SGK2: variants seen among roughly 807,000 people sequenced by gnomAD.
SGK2 encodes serum/glucocorticoid regulated kinase 2.
SGK2 carries 36 observed loss-of-function variants against 47.5 expected under a neutral mutation model. That is an observed-to-expected ratio of 0.76 (90% CI 0.58 to 1.00). The LOEUF (loss-of-function observed/expected upper bound fraction) is 1.00, where lower values mean the gene tolerates loss of function less well. Among genes scored for constraint, SGK2 ranks in the 50% least tolerant of loss-of-function variants. The pLI is 0.00. For missense variants in SGK2, 404 were observed against 467.4 expected (o/e 0.86, Z 1.25); for synonymous variants, 157 against 181.9 (o/e 0.86, Z 1.10).
At chr20:43,576,561 A>T (rs1980475609) in intron 11 of SGK2, among the ~76,000 whole-genome samples, 182 bp downstream of exon 11, 1 of 150,722 alleles carries the variant, frequency 6.6e-6, no homozygotes. Flanking sequence ...TCTCTTAGTC[A>T]ATCAATATTT....
At chr20:43,578,991 C>A (rs1178698673) in intron 11 of SGK2, among the ~76,000 whole-genome samples, 3 of 148,788 alleles carry the variant, frequency 2.0e-5, no homozygotes, top group Non-Finnish European at 4.4e-5. Flanking sequence ...TTACCAATTT[C>A]TTGGGCATTC....
intron 12 of SGK2, among the ~76,000 whole-genome samples, chr20:43,582,305 C>T (rs951828705): frequency 6.6e-6 from 1 of 152,066 alleles, no homozygotes; most frequent in African/African-American, 2.4e-5. Context: ...TGATCCACCC[C>T]CTCAGCTTCC....
chr20:43,566,267 T>C, intron 1 of SGK2: 1 of 1,391,146 alleles, frequency 7.2e-7, no homozygotes, highest in Non-Finnish European at 1.0e-6. Context: ...CCTTCTGAGA[T>C]GTTTGTTAGG....
intron 12 of SGK2, among the ~76,000 whole-genome samples, chr20:43,584,140 G>T (rs1980966861): frequency 6.6e-6 from 1 of 152,120 alleles, no homozygotes; most frequent in South Asian, 2.1e-4. Flanking sequence ...CAGGGCAACT[G>T]AGTTCTTCAT....
In SGK2 at chr20:43,569,507, CG is replaced by C; in HGVS notation, c.356del (p.Gly119GlufsTer42). The C allele has an allele frequency of 1.2e-6, 2 of 1,612,478 alleles. No homozygotes were observed. On this transcript the variant is annotated frameshift_variant, in exon 6 of 13. Transcript: ENST00000373100. LOFTEE classifies it high-confidence loss of function. The part of the protein sequence containing the change: ...KLYFVLDYVN[G>X]GELFFHLQRE... ...TCTACTTCGTGCTCGACTATGTCAACGGGGGAGAGGTGGGTGGGCCCACAGG... is the reference window on the plus strand; with the variant it reads ...TCTACTTCGTGCTCGACTATGTCAACGGGGAGAGGTGGGTGGGCCCACAGG...
At position 43,559,083 on chromosome 20, in the gene SGK2, C is replaced by G. The variant is rs559176045; in HGVS notation, c.-100C>G. The stretch of plus-strand genomic sequence containing the variant: ...AGGATTGTGCCTCCAGTCAGAAGGA[C>G]CATGAAGAGAGAGAAGAGGGCAGAG... On this transcript the variant is annotated 5_prime_UTR_variant, in exon 1 of 13. Coordinates refer to ENST00000373100, the MANE Select transcript of SGK2 (RefSeq NM_170693.3). 1 of 152,386 alleles carries G rather than the reference C, an allele frequency of 6.6e-6. No individual in the cohort carries two copies. The highest frequency in any genetic ancestry group is 1.9e-4 in the East Asian group (1 of 5,178). 9.4% of individuals were successfully genotyped at this position (152,386 alleles called of 1,614,324 possible). A position where few individuals can be genotyped will look rare whatever the true frequency, so the allele number is the denominator to read the frequency against.
intron 5 of SGK2, 128 bp from the exon 6 acceptor site, chr20:43,569,257 T>A (rs1171360956): frequency 8.5e-7 from 1 of 1,178,196 alleles, no homozygotes; most frequent in Admixed American, 2.2e-5. Flanking sequence ...CCATTGTGGG[T>A]GTTTGAGCAG....
intron 5 of SGK2, among the ~76,000 whole-genome samples, chr20:43,568,783 T>G (rs3127061): frequency 0.14 from 21,486 of 152,204 alleles, 1,684 homozygotes; most frequent in African/African-American, 0.16. Flanking sequence ...ATCATGGATT[T>G]CTTGATGCCT....
chr20:43,585,207 G>A lies in SGK2; in HGVS notation c.*191G>A. ...ACAGGTCATCAGATACTCAGAGGCT[G>A]TATCTCTGCCCTGCCAACCTTGACA... On this transcript the variant is annotated 3_prime_UTR_variant, in exon 13 of 13. Transcript: ENST00000373100. 8.6e-6 allele frequency: 4 copies of A among 466,944 alleles called. No individual in the cohort carries two copies. Among genetic ancestry groups the A allele is most frequent in the Non-Finnish European group, 1.1e-5 (3 of 262,624 alleles). 28.9% of individuals were successfully genotyped at this position (466,944 alleles called of 1,614,324 possible).
intron 7 of SGK2, 129 bp from the exon 8 acceptor site, chr20:43,570,895 C>G: frequency 1.4e-6 from 2 of 1,464,580 alleles, no homozygotes; most frequent in Non-Finnish European, 1.9e-6. Context: ...CCTTTCTGGG[C>G]TCTCCTTCTG....
At chr20:43,563,322 G>A (rs1055425385) in intron 1 of SGK2, among the ~76,000 whole-genome samples, 4 of 152,144 alleles carry the variant, frequency 2.6e-5, no homozygotes, top group African/African-American at 9.7e-5. Context: ...ACAAGAGATG[G>A]AGGAAGAGCA....
chr20:43,569,729 T>C, intron 6 of SGK2: 1 of 554,478 alleles, frequency 1.8e-6, no homozygotes, highest in East Asian at 3.1e-5. Context: ...AATTCAGGTC[T>C]GTTAGACTCC....
chr20:43,580,497 G>T (rs1171942464), intron 12 of SGK2, among the ~76,000 whole-genome samples: 2 of 152,148 alleles, frequency 1.3e-5, no homozygotes, highest in Non-Finnish European at 2.9e-5. Flanking sequence ...GGAGGCTGAG[G>T]CGGGTAGATC....
At position 43,575,004 on chromosome 20, in the gene SGK2, G is replaced by T. The variant is rs56150807; in HGVS notation, c.693G>T (p.Leu231=). ...TCCTCTACGAGATGCTCCATGGCCT[G>T]GTGAGTCAGGGGTAGCCATCTACAA... The part of the protein sequence containing the change: ...GAVLYEMLHG[L]PPFYSQDVSQ... The change falls in exon 10 of 13, where the codon CTG becomes CTT. Residue 231 remains leucine, a splice_region_variant and synonymous_variant. Transcript: ENST00000373100. 1.6e-5 allele frequency: 25 copies of T among 1,610,222 alleles called. No individual in the cohort carries two copies. In the East Asian group the frequency reaches 5.6e-4, roughly 36 times the overall value.
In SGK2 at chr20:43,572,753, A is replaced by G. The variant is rs1373016575; in HGVS notation, c.597+616A>G. ...CTTCCAGCAGCCACATTTAAAAAGT[A>G]AGAAAGTAACAGGTGAAATTAATTT... On this transcript the variant is annotated intron_variant, in intron 9 of 12. Transcript: ENST00000373100. This position sits in a 1 kb window ranked among gnomAD's most constrained non-coding sequence, Gnocchi z 4.2. 1.3e-5 allele frequency among the ~76,000 whole-genome samples: 2 copies of G among 152,236 alleles called. No homozygotes were observed. The highest frequency in any genetic ancestry group is 2.9e-5 in the Non-Finnish European group (2 of 68,032).
rs774104469 is a variant in SGK2, at chr20:43,571,078, TGTG to T, written c.510+19_510+21del. On this transcript the variant is annotated intron_variant, in intron 8 of 12. Transcript: ENST00000373100. ...ACTGCCAGGTTGGTGTGTGTGTGTG[TGTG>T]TGTGTGTGTGTGTGTGTGTGTATGT... 1.2e-5 allele frequency: 19 copies of T among 1,597,480 alleles called. No individual in the cohort carries two copies. In the South Asian group the frequency reaches 2.1e-4, roughly 18 times the overall value.
intron 10 of SGK2, among the ~76,000 whole-genome samples, chr20:43,575,753 G>T (rs544982844): frequency 6.6e-6 from 1 of 152,238 alleles, no homozygotes; most frequent in African/African-American, 2.4e-5. Context: ...CAGGCTCTGT[G>T]GATTAAGGGG....
intron 12 of SGK2, 105 bp downstream of exon 12, chr20:43,580,166 C>T: frequency 1.5e-6 from 1 of 683,596 alleles, no homozygotes; most frequent in Non-Finnish European, 2.5e-6. Context: ...GTCCAAGAAG[C>T]TCAGTCATTT....
intron 10 of SGK2, 119 bp from the exon 11 acceptor site, chr20:43,576,105 C>T: frequency 8.8e-7 from 1 of 1,135,756 alleles, no homozygotes; most frequent in Non-Finnish European, 1.3e-6. Context: ...CCATGCGAGC[C>T]ATTGCACAAG....
Sources: gnomAD v4.1 joint callset for allele counts (sites outside exome capture counted in the v4.1 genomes callset) on GRCh38, gnomAD v4.1.1 for gene constraint, Gnocchi (gnomAD v3.1) non-coding constraint, MANE v1.5 for transcripts, NCBI Gene and HGNC (gene_info 2026-07-23, HGNC 2026-07-21) for gene names.